Variants in RPL30 observed in about 807,000 individuals in gnomAD.
RPL30 encodes the protein large ribosomal subunit protein eL30.
For synonymous variants in RPL30, 40 were observed against 50.4 expected (o/e 0.79, Z 0.87); for missense variants, 60 against 138.0 (o/e 0.43, Z 2.83).
intron 3 of RPL30, 170 bp downstream of exon 3, chr8:98,044,773 T>G: frequency 4.5e-6 from 3 of 670,906 alleles, no homozygotes; most frequent in Non-Finnish European, 7.5e-6. Flanking sequence ...GAGCACACGA[T>G]TTGGGGGTGG....
chr8:98,044,977 A>G lies in RPL30; in HGVS notation c.133T>C (p.Leu45=), dbSNP rs1814449829. ...GGGCAGTTGTTAGCGAGAATGACCA[A>G]TTTCGCTTTGCCTTGTCTGATCATC... is the stretch of plus-strand genomic sequence containing the variant. ...LKMIRQGKAK[L]VILANNCPAL... The change falls in exon 3 of 5, where the codon TTG becomes CTG. Residue 45 remains leucine, a synonymous_variant. Transcript: ENST00000287038. The G allele has an allele frequency of 1.9e-6, 3 of 1,613,870 alleles. No individual in the cohort carries two copies. Among genetic ancestry groups the G allele is most frequent in the African/African-American group, 1.3e-5 (1 of 74,932 alleles).
At chr8:98,044,922 C>A (rs11777189) in intron 3 of RPL30, 21 bp downstream of exon 3, 819,986 of 1,607,736 alleles carry the variant, frequency 0.51, 225,908 homozygotes, top group Non-Finnish European at 0.58. Context: ...TAGGCGAAGC[C>A]CGTTCAGTCT....
chr8:98,042,086 G>A (rs766063702), intron 4 of RPL30: 2 of 675,862 alleles, frequency 3.0e-6, no homozygotes, highest in Admixed American at 1.8e-5. Flanking sequence ...AATAAAATTG[G>A]TTTATCACCA....
intron 4 of RPL30, chr8:98,042,073 T>C (rs1051744424): frequency 8.7e-6 from 6 of 692,392 alleles, no homozygotes; most frequent in South Asian, 4.3e-5. Context: ...AAAATGATCA[T>C]ATAATAAAAT....
chr8:98,042,006 A>G (rs1218177440), intron 4 of RPL30, 156 bp from the exon 5 acceptor site: 1 of 720,058 alleles, frequency 1.4e-6, no homozygotes, highest in Non-Finnish European at 2.5e-6. Context: ...CTGTACTGTC[A>G]TTTTTCTTAA....
intron 3 of RPL30, chr8:98,043,427 T>G (rs1299536374): frequency 1.3e-5 from 1 of 76,276 alleles, no homozygotes; most frequent in African/African-American, 5.6e-5. Flanking sequence ...CACACAGCCC[T>G]ATTCTTTTTT....
intron 2 of RPL30, 88 bp from the exon 3 acceptor site, chr8:98,045,176 A>C: frequency 6.4e-7 from 1 of 1,563,656 alleles, no homozygotes; most frequent in East Asian, 2.2e-5. Context: ...CGAGCCCCTT[A>C]AACTTCCGAA....
At chr8:98,045,112 G>C in intron 2 of RPL30, 24 bp from the exon 3 acceptor site, 2 of 1,606,926 alleles carry the variant, frequency 1.2e-6, no homozygotes, top group Non-Finnish European at 1.7e-6. Context: ...ATTAAATACG[G>C]ACCTAAGGGC....
intron 4 of RPL30, chr8:98,042,236 T>C: frequency 1.9e-6 from 1 of 529,584 alleles, no homozygotes; most frequent in Non-Finnish European, 3.6e-6. Flanking sequence ...GAATCAAAGA[T>C]TCACAATTGG....
chr8:98,044,677 T>A (rs1010650803), intron 3 of RPL30: 15 of 435,302 alleles, frequency 3.4e-5, no homozygotes, highest in Non-Finnish European at 6.1e-5. Flanking sequence ...CAGTAATGTG[T>A]CTGTGTTTCC....
intron 3 of RPL30, 81 bp downstream of exon 3, chr8:98,044,862 T>A: frequency 7.0e-7 from 1 of 1,431,728 alleles, no homozygotes; most frequent in Non-Finnish European, 9.6e-7. Context: ...TTCATGGTAC[T>A]CAGATTACAA....
At chr8:98,045,425 G>T (rs1458143604) in intron 1 of RPL30, 26 bp from the exon 2 acceptor site, 3 of 1,608,748 alleles carry the variant, frequency 1.9e-6, no homozygotes, top group African/African-American at 1.3e-5. Flanking sequence ...AACAGGACAG[G>T]AATTTTAGGA....
At chr8:98,043,817 A>T (rs1002850091) in intron 3 of RPL30, 2 of 152,178 alleles carry the variant, frequency 1.3e-5, no homozygotes, top group African/African-American at 4.8e-5. Flanking sequence ...TGTATTAGTT[A>T]AAAAAACACC....
At chr8:98,043,213 A>T (rs1586186447) in intron 3 of RPL30, 2 of 151,826 alleles carry the variant, frequency 1.3e-5, no homozygotes, top group Non-Finnish European at 2.9e-5. Context: ...TGCAACTTCC[A>T]CCTCCCGAGT....
chr8:98,043,568 G>A (rs1422660751), intron 3 of RPL30: 2 of 150,094 alleles, frequency 1.3e-5, no homozygotes, highest in East Asian at 2.0e-4. Flanking sequence ...AAGTGATACC[G>A]TTTTAGAGTT....
chr8:98,043,399 T>C (rs1243207955), intron 3 of RPL30: 2 of 150,558 alleles, frequency 1.3e-5, no homozygotes, highest in Non-Finnish European at 2.9e-5. Flanking sequence ...GTGCTGGGAT[T>C]ACAGGTGTGA....
chr8:98,044,763 G>C, intron 3 of RPL30, 180 bp downstream of exon 3: 2 of 620,846 alleles, frequency 3.2e-6, no homozygotes, highest in Non-Finnish European at 5.6e-6. Flanking sequence ...CACAGAAGGG[G>C]AGCACACGAT....
intron 4 of RPL30, 64 bp from the exon 5 acceptor site, chr8:98,041,914 A>G: frequency 8.3e-7 from 1 of 1,198,530 alleles, no homozygotes; most frequent in Admixed American, 2.0e-5. Flanking sequence ...GGTACCATAA[A>G]ATTTCTCTAC....
At chr8:98,045,473 G>T in intron 1 of RPL30, 35 bp downstream of exon 1, 2 of 1,418,850 alleles carry the variant, frequency 1.4e-6, no homozygotes, top group Non-Finnish European at 2.0e-6. Flanking sequence ...AGCTCCCCGC[G>T]CTGCCTAAAC....
Sources: allele counts gnomAD v4.1 joint callset, GRCh38; gene constraint gnomAD v4.1.1; transcripts MANE v1.5; gene names NCBI Gene and HGNC (gene_info 2026-07-23, HGNC 2026-07-21).